The following ADGRB3 variants were observed in gnomAD, a reference collection of about 807,000 sequenced individuals.
ADGRB3 encodes the protein brain-specific angiogenesis inhibitor 3.
A neutral mutation model predicts 193.4 loss-of-function variants in ADGRB3; 37 were observed. The observed-to-expected ratio is 0.19, with a 90% CI of 0.15 to 0.25. The LOEUF is 0.25. ADGRB3 is among the 10% of genes least tolerant of loss of function. The probability of loss-of-function intolerance (pLI) is 1.00; values close to 1 mark genes in which losing one functional copy is unlikely to be tolerated. For synonymous variants in ADGRB3, 690 were observed against 644.2 expected (o/e 1.07, Z -1.08); for missense variants, 1,637 against 1,852.9 (o/e 0.88, Z 2.14).
intron 3 of ADGRB3, among the ~76,000 whole-genome samples, chr6:68,745,630 T>TTA (rs1273425503): frequency 6.6e-6 from 1 of 151,920 alleles, no homozygotes; most frequent in African/African-American, 2.4e-5. Flanking sequence ...TCTTCATGAA[T>TTA]TATATATATA....
At chr6:68,882,850 C>G (rs1298090294) in intron 3 of ADGRB3, among the ~76,000 whole-genome samples, 1 of 151,998 alleles carries the variant, frequency 6.6e-6, no homozygotes, top group Non-Finnish European at 1.5e-5. Flanking sequence ...ACTAGGTAAG[C>G]ACATAGTCCC....
chr6:68,917,058 G>T (rs1021838900), intron 3 of ADGRB3, among the ~76,000 whole-genome samples: 1 of 152,182 alleles, frequency 6.6e-6, no homozygotes, highest in Non-Finnish European at 1.5e-5. Flanking sequence ...TGGTCCAAGT[G>T]ATAGAGGCTA....
chr6:69,332,335 G>T, intron 23 of ADGRB3: 2 of 985,426 alleles, frequency 2.0e-6, no homozygotes, highest in Non-Finnish European at 2.4e-6. Context: ...ATTGGCACTA[G>T]TGTCCATTGT....
At chr6:69,171,618 T>G (rs1417567670) in intron 17 of ADGRB3, among the ~76,000 whole-genome samples, 2 of 152,110 alleles carry the variant, frequency 1.3e-5, no homozygotes, top group Non-Finnish European at 2.9e-5. Flanking sequence ...CTGGGAAGTA[T>G]AAGAAAGAAA....
intron 10 of ADGRB3, among the ~76,000 whole-genome samples, chr6:68,981,178 C>A (rs1216980621): frequency 6.6e-6 from 1 of 151,426 alleles, no homozygotes; most frequent in Non-Finnish European, 1.5e-5. Context: ...TTGCAGAACC[C>A]AACAATAACA....
At chr6:68,717,528 G>A (rs1229034158) in intron 3 of ADGRB3, among the ~76,000 whole-genome samples, 1 of 151,402 alleles carries the variant, frequency 6.6e-6, no homozygotes, top group Non-Finnish European at 1.5e-5. Context: ...GCAAGGTGAT[G>A]CATTTAGGGA....
chr6:68,660,759 A>C lies in ADGRB3; in HGVS notation c.757+21327A>C, dbSNP rs1768611047. ...ATAATTACTCTTACACAGTAATTCC[A>C]ATTTTTAAGATCTTATCAACAAATA... On this transcript the variant is annotated intron_variant, in intron 3 of 31. Transcript: ENST00000370598. Among the ~76,000 whole-genome samples the C allele has an allele frequency of 1.1e-4, 16 of 151,122 alleles. No individual in the cohort carries two copies. In the Admixed American group the frequency reaches 1.1e-3, roughly 10 times the overall value.
chr6:68,798,706 C>T (rs1359845663), intron 3 of ADGRB3, among the ~76,000 whole-genome samples: 1 of 152,156 alleles, frequency 6.6e-6, no homozygotes, highest in Non-Finnish European at 1.5e-5. Flanking sequence ...AGAGATGACA[C>T]TGAAGAGACA....
At chr6:69,282,083 GA>G (rs1249661029) in intron 20 of ADGRB3, among the ~76,000 whole-genome samples, 1 of 152,136 alleles carries the variant, frequency 6.6e-6, no homozygotes, top group Non-Finnish European at 1.5e-5. Context: ...AGCTCAGAAT[GA>G]AAAGGTGTTC....
intron 17 of ADGRB3, among the ~76,000 whole-genome samples, chr6:69,188,851 T>G (rs979928397): frequency 2.6e-5 from 4 of 152,202 alleles, no homozygotes; most frequent in Admixed American, 1.3e-4. Flanking sequence ...ATTTAATGTC[T>G]TCACATATAT....
chr6:68,856,313 A>G (rs965815648), intron 3 of ADGRB3, among the ~76,000 whole-genome samples: 1 of 152,240 alleles, frequency 6.6e-6, no homozygotes. Context: ...GAACTGGGTA[A>G]CAGGCATAGG....
chr6:69,252,695 T>G (rs1339918484), intron 20 of ADGRB3, among the ~76,000 whole-genome samples: 1 of 152,050 alleles, frequency 6.6e-6, no homozygotes, highest in African/African-American at 2.4e-5. Flanking sequence ...TTTATTTAGA[T>G]TGTTTGGATA....
intron 3 of ADGRB3, among the ~76,000 whole-genome samples, chr6:68,838,889 A>C (rs149833757): frequency 3.3e-3 from 503 of 152,354 alleles, no homozygotes; most frequent in African/African-American, 0.011. Context: ...AAATATAAAC[A>C]GACAATTAAA....
At chr6:68,798,900 G>A (rs930708066) in intron 3 of ADGRB3, among the ~76,000 whole-genome samples, 2 of 152,122 alleles carry the variant, frequency 1.3e-5, no homozygotes, top group African/African-American at 4.8e-5. Flanking sequence ...TATTATAGAA[G>A]CTTCACGAGT....
intron 6 of ADGRB3, among the ~76,000 whole-genome samples, chr6:68,946,915 A>G (rs912433767): frequency 4.6e-5 from 7 of 152,180 alleles, no homozygotes; most frequent in East Asian, 1.9e-4. Context: ...ATATATACCT[A>G]TAAGTAGATA....
intron 3 of ADGRB3, among the ~76,000 whole-genome samples, chr6:68,771,806 G>A (rs1292420940): frequency 6.6e-6 from 1 of 152,078 alleles, no homozygotes; most frequent in Non-Finnish European, 1.5e-5. Context: ...ATCATCTTCT[G>A]TCTGACCTGC....
At chr6:68,970,832 A>G (rs1312425292) in intron 8 of ADGRB3, among the ~76,000 whole-genome samples, 1 of 152,210 alleles carries the variant, frequency 6.6e-6, no homozygotes, top group Non-Finnish European at 1.5e-5. Context: ...TGCCTGGGTG[A>G]GTGGTGGAGG....
intron 17 of ADGRB3, among the ~76,000 whole-genome samples, chr6:69,116,078 A>C (rs972141619): frequency 1.3e-5 from 2 of 152,206 alleles, no homozygotes; most frequent in African/African-American, 4.8e-5. Context: ...AGACCAGCAG[A>C]CTGGTACCTC....
intron 17 of ADGRB3, among the ~76,000 whole-genome samples, chr6:69,226,288 G>A (rs555561798): frequency 6.6e-6 from 1 of 152,280 alleles, no homozygotes; most frequent in South Asian, 2.1e-4. Flanking sequence ...CATATTTAAT[G>A]ATGAATAAAT....
Sources: allele counts gnomAD v4.1 joint callset (sites outside exome capture counted in the v4.1 genomes callset), GRCh38; gene constraint gnomAD v4.1.1; transcripts MANE v1.5; gene names NCBI Gene and HGNC (gene_info 2026-07-23, HGNC 2026-07-21).